The following PLCL1 variants were observed in gnomAD, a reference collection of about 807,000 sequenced individuals.
The protein encoded by PLCL1 is inactive phospholipase C-like protein 1.
Under a neutral mutation model 84.4 loss-of-function variants are expected in PLCL1, and 41 were observed. The ratio of observed to expected loss-of-function variants is 0.49; its 90% CI spans 0.38 to 0.63. The LOEUF (loss-of-function observed/expected upper bound fraction) is 0.63. Ranked by LOEUF, PLCL1 falls within the 30% of genes least tolerant of loss-of-function variation. PLCL1 has a pLI of 0.00. For missense variants in PLCL1, 1,206 were observed against 1,367.8 expected, an observed-to-expected ratio of 0.88 and a Z score of 1.87; for synonymous variants, 490 against 488.3, an observed-to-expected ratio of 1.00 and a Z score of -0.05.
intron 1 of PLCL1, among the ~76,000 whole-genome samples, chr2:197,814,260 A>G (rs1307538937): frequency 6.6e-6 from 1 of 151,968 alleles, no homozygotes; most frequent in African/African-American, 2.4e-5. Flanking sequence ...TCGTGTGCTC[A>G]CTTTGTGTCT....
intron 1 of PLCL1, among the ~76,000 whole-genome samples, chr2:197,925,976 C>G (rs1235208658): frequency 6.6e-6 from 1 of 152,178 alleles, no homozygotes; most frequent in Non-Finnish European, 1.5e-5. Flanking sequence ...TGAAGGTCAG[C>G]TTTCCTTCTA....
intron 5 of PLCL1, among the ~76,000 whole-genome samples, chr2:198,109,510 G>C (rs1693565170): frequency 6.6e-6 from 1 of 151,844 alleles, no homozygotes; most frequent in African/African-American, 2.4e-5. Context: ...TTCAGAAAGG[G>C]ATACTACAAC....
At chr2:197,911,231 G>C (rs1200411582) in intron 1 of PLCL1, among the ~76,000 whole-genome samples, 2 of 152,062 alleles carry the variant, frequency 1.3e-5, no homozygotes, top group Non-Finnish European at 2.9e-5. Context: ...AGCTACTCTG[G>C]AGGCTGAGGT....
chr2:198,085,756 G>A lies in PLCL1; in HGVS notation c.2239G>A (p.Asp747Asn). The part of the protein sequence containing the change: ...KGACAKGDVI[D>N]PYVCIEIHGI... ...AGCTTGTGCCAAAGGGGATGTCATAGATCCCTATGTTTGTATAGAGATACA... is the reference window on the plus strand; with the variant it reads ...AGCTTGTGCCAAAGGGGATGTCATAAATCCCTATGTTTGTATAGAGATACA... Residue 747 changes from aspartate (D) to asparagine (N), a missense_variant, in exon 2 of 6, where the codon GAT (aspartate) becomes AAT (asparagine). Transcript: ENST00000428675. This position sits in a 1 kb window ranked among gnomAD's most constrained non-coding sequence, Gnocchi z 5.3. 1 of 1,613,350 alleles carries A rather than the reference G, an allele frequency of 6.2e-7. No individual in the cohort carries two copies. The highest frequency in any genetic ancestry group is 1.1e-5 in the South Asian group (1 of 91,080).
chr2:197,887,676 T>G (rs1687947351), intron 1 of PLCL1, among the ~76,000 whole-genome samples: 1 of 152,164 alleles, frequency 6.6e-6, no homozygotes, highest in Non-Finnish European at 1.5e-5. Flanking sequence ...ATCTGGGCTT[T>G]TAGTGTAGCC....
chr2:197,966,159 C>T (rs1689728431), intron 1 of PLCL1, among the ~76,000 whole-genome samples: 1 of 151,802 alleles, frequency 6.6e-6, no homozygotes, highest in African/African-American at 2.4e-5. Context: ...AGACAAAGTT[C>T]TCTTTACTCT....
Position 198,085,813 on chromosome 2 carries a change from A to T in PLCL1, c.2296A>T (p.Thr766Ser). 2 of 1,614,196 alleles carry T rather than the reference A, an allele frequency of 1.2e-6. No homozygotes were observed. Among genetic ancestry groups the T allele is most frequent in the Non-Finnish European group, 1.7e-6 (2 of 1,180,016 alleles). The change falls in exon 2 of 6, where the codon ACT (threonine) becomes TCT (serine). Residue 766 changes from threonine (T) to serine (S), a missense_variant. Physicochemically the swap from Thr to Ser is moderately conservative, Grantham distance 58 (BLOSUM62 1). Transcript: ENST00000428675. The surrounding 1 kb of genome is among the most constrained non-coding windows in gnomAD (Gnocchi z 5.3). The part of the protein sequence containing the change: ...GIPADCSEQR[T>S]KTVQQNSDNP... The stretch of plus-strand genomic sequence containing the variant: ...TCCAGCGGATTGTTCGGAACAAAGA[A>T]CTAAAACTGTACAGCAAAACAGTGA...
intron 1 of PLCL1, among the ~76,000 whole-genome samples, chr2:197,837,876 G>C (rs749444335): frequency 6.6e-6 from 1 of 152,142 alleles, no homozygotes; most frequent in South Asian, 2.1e-4. Flanking sequence ...CCAGGGAAGC[G>C]AAACAGCAGC....
At chr2:198,112,996 A>T (rs1036178776) in intron 5 of PLCL1, among the ~76,000 whole-genome samples, 3 of 151,956 alleles carry the variant, frequency 2.0e-5, no homozygotes, top group Non-Finnish European at 4.4e-5. Context: ...TTATTTTTAT[A>T]CACAAAAGAA....
chr2:198,049,296 A>T (rs976935982), intron 1 of PLCL1, among the ~76,000 whole-genome samples: 3 of 152,364 alleles, frequency 2.0e-5, no homozygotes, highest in African/African-American at 7.2e-5. Flanking sequence ...CATAATAGAC[A>T]GCACCTGTAG....
At chr2:198,111,491 A>G (rs911643086) in intron 5 of PLCL1, among the ~76,000 whole-genome samples, 2 of 151,926 alleles carry the variant, frequency 1.3e-5, no homozygotes, top group African/African-American at 4.8e-5. Flanking sequence ...ACTACCCCTT[A>G]TAATGTGGAC....
chr2:198,116,481 A>C (rs1241535125), intron 5 of PLCL1, among the ~76,000 whole-genome samples: 1 of 151,898 alleles, frequency 6.6e-6, no homozygotes, highest in Non-Finnish European at 1.5e-5. Context: ...TCATGGCCTT[A>C]TGAGATTAAT....
At position 198,039,308 on chromosome 2, in the gene PLCL1, A is replaced by G. The variant is rs1691609546; in HGVS notation, c.241-44450A>G. 3.3e-5 allele frequency among the ~76,000 whole-genome samples: 5 copies of G among 152,198 alleles called. No individual in the cohort carries two copies. The South Asian group carries it at 1.0e-3, about 31-fold the overall frequency. ...ATCTATCTGCCCATAGCTTATGCCA[A>G]GCAGCATGGATTATACATTTTTGAT... On this transcript the variant is annotated intron_variant, in intron 1 of 5. Transcript: ENST00000428675.
At chr2:198,024,047 C>G (rs945745924) in intron 1 of PLCL1, among the ~76,000 whole-genome samples, 1 of 152,148 alleles carries the variant, frequency 6.6e-6, no homozygotes, top group Non-Finnish European at 1.5e-5. Flanking sequence ...CACATATACA[C>G]CATGGAATAC....
chr2:198,033,379 G>A (rs1454597831), intron 1 of PLCL1, among the ~76,000 whole-genome samples: 6 of 152,140 alleles, frequency 3.9e-5, no homozygotes, highest in Admixed American at 2.0e-4. Context: ...CTCACTGGAG[G>A]GAACCCAGAC....
intron 1 of PLCL1, among the ~76,000 whole-genome samples, chr2:197,915,855 A>G (rs528453697): frequency 6.6e-6 from 1 of 152,212 alleles, no homozygotes; most frequent in African/African-American, 2.4e-5. Flanking sequence ...TTCTTTACCA[A>G]TGACACTTCT....
intron 1 of PLCL1, among the ~76,000 whole-genome samples, chr2:198,054,480 G>A (rs1692015415): frequency 6.6e-6 from 1 of 152,188 alleles, no homozygotes; most frequent in African/African-American, 2.4e-5. Context: ...TGGCCCAGAA[G>A]GGAATGCCCC....
chr2:198,041,089 A>G (rs1044770208), intron 1 of PLCL1, among the ~76,000 whole-genome samples: 6 of 152,180 alleles, frequency 3.9e-5, no homozygotes, highest in African/African-American at 1.4e-4. Context: ...TTAGCCTGAG[A>G]TCTCTTAATC....
chr2:198,056,973 A>G (rs758966813), intron 1 of PLCL1, among the ~76,000 whole-genome samples: 2 of 152,152 alleles, frequency 1.3e-5, no homozygotes, highest in Non-Finnish European at 2.9e-5. Flanking sequence ...ATGCTTGAGG[A>G]TATAGCACAT....
Sources: allele counts gnomAD v4.1 joint callset (sites outside exome capture counted in the v4.1 genomes callset), GRCh38; gene constraint gnomAD v4.1.1; non-coding constraint Gnocchi (gnomAD v3.1); transcripts MANE v1.5; gene names NCBI Gene and HGNC (gene_info 2026-07-23, HGNC 2026-07-21).